The following NR2C2 variants were observed in gnomAD, a reference collection of about 807,000 sequenced individuals.
NR2C2 encodes the protein nuclear receptor subfamily 2 group C member 2.
A neutral mutation model predicts 62.9 loss-of-function variants in NR2C2; 6 were observed. That is an observed-to-expected ratio of 0.10 (90% CI 0.05 to 0.19). The LOEUF is 0.19. Ranked by LOEUF, NR2C2 falls within the 10% of genes least tolerant of loss-of-function variation. The pLI is 1.00. For synonymous variants in NR2C2, 272 were observed against 273.8 expected (o/e 0.99, Z 0.07); for missense variants, 479 against 762.7 (o/e 0.63, Z 4.38).
intron 1 of NR2C2, among the ~76,000 whole-genome samples, chr3:14,981,430 C>T (rs973564875): frequency 7.9e-5 from 12 of 151,906 alleles, no homozygotes; most frequent in Non-Finnish European, 1.8e-4. Context: ...GGTGAAATCC[C>T]ATCTCTGCTA....
At chr3:15,042,683 G>A in intron 13 of NR2C2, 151 bp from the exon 14 acceptor site, 1 of 633,898 alleles carries the variant, frequency 1.6e-6, no homozygotes, top group Non-Finnish European at 2.7e-6. Context: ...TCTATAAGAG[G>A]AACTGTTGAA....
At chr3:15,000,467 G>A (rs1405413274) in intron 1 of NR2C2, among the ~76,000 whole-genome samples, 3 of 152,188 alleles carry the variant, frequency 2.0e-5, no homozygotes, top group African/African-American at 7.2e-5. Flanking sequence ...AAACAGTGCT[G>A]CAGAGAACAT....
chr3:14,950,345 C>G (rs2039315941), intron 1 of NR2C2, among the ~76,000 whole-genome samples: 1 of 152,238 alleles, frequency 6.6e-6, no homozygotes, highest in Admixed American at 6.5e-5. Context: ...AACTCTCTTA[C>G]AGGCAGTATG....
intron 1 of NR2C2, among the ~76,000 whole-genome samples, chr3:14,976,602 C>CTT (rs533538010): frequency 2.5e-4 from 23 of 90,722 alleles, no homozygotes; most frequent in South Asian, 3.7e-4. Context: ...TCCTTCCTTC[C>CTT]TTTTTTTTTT....
chr3:15,002,077 T>C (rs2041019517), intron 1 of NR2C2, among the ~76,000 whole-genome samples: 1 of 152,226 alleles, frequency 6.6e-6, no homozygotes, highest in African/African-American at 2.4e-5. Flanking sequence ...TTTTATTCTT[T>C]TTCTTTCCTA....
intron 1 of NR2C2, among the ~76,000 whole-genome samples, chr3:15,001,978 G>A (rs1163404189): frequency 6.6e-6 from 1 of 152,064 alleles, no homozygotes. Context: ...GCTCTGATGG[G>A]TTTTTTGTGG....
At chr3:15,009,074 T>C (rs573946295) in intron 2 of NR2C2, among the ~76,000 whole-genome samples, 1 of 146,952 alleles carries the variant, frequency 6.8e-6, no homozygotes, top group South Asian at 2.2e-4. Context: ...TACAAAAAAT[T>C]AGCGGGGCAT....
At chr3:14,956,381 CAA>C in intron 1 of NR2C2, among the ~76,000 whole-genome samples, 1 of 152,270 alleles carries the variant, frequency 6.6e-6, no homozygotes, top group Admixed American at 6.5e-5. Context: ...TTGTACCTAT[CAA>C]GAGTTCTATG....
In NR2C2 at chr3:15,048,585, A is replaced by G. The variant is rs1190041975; in HGVS notation, c.*5577A>G. 1 of 152,678 alleles carries G rather than the reference A, an allele frequency of 6.5e-6. No individual in the cohort carries two copies. Among genetic ancestry groups the G allele is most frequent in the Non-Finnish European group, 1.5e-5 (1 of 68,046 alleles). The allele number at this position is 152,678 out of a possible 1,614,324, so 9.5% of individuals were successfully genotyped here. On this transcript the variant is annotated 3_prime_UTR_variant, in exon 14 of 14. Coordinates refer to ENST00000425241, the MANE Select transcript of NR2C2 (RefSeq NM_001291694.2). ...AATGTTTGGAATAACATTTGGAAGTAGTAGACTTTGCATTAAAAAATGGCT... is the reference window on the plus strand; with the variant it reads ...AATGTTTGGAATAACATTTGGAAGTGGTAGACTTTGCATTAAAAAATGGCT...
At chr3:14,980,137 C>T (rs950068141) in intron 1 of NR2C2, among the ~76,000 whole-genome samples, 9 of 151,902 alleles carry the variant, frequency 5.9e-5, no homozygotes, top group African/African-American at 2.2e-4. Context: ...AAGATTCCTA[C>T]TCTTTTCCGG....
chr3:14,964,192 C>T (rs955235033), intron 1 of NR2C2, among the ~76,000 whole-genome samples: 3 of 152,058 alleles, frequency 2.0e-5, no homozygotes, highest in African/African-American at 7.2e-5. Context: ...AATAAAAAAT[C>T]AAATTTCTAA....
At chr3:14,950,296 T>G (rs2039313247) in intron 1 of NR2C2, among the ~76,000 whole-genome samples, 1 of 152,186 alleles carries the variant, frequency 6.6e-6, no homozygotes, top group Non-Finnish European at 1.5e-5. Context: ...TGGAACTAAA[T>G]AGTACTAACC....
chr3:14,987,974 C>A (rs191123680), intron 1 of NR2C2, among the ~76,000 whole-genome samples: 1 of 152,294 alleles, frequency 6.6e-6, no homozygotes, highest in African/African-American at 2.4e-5. Context: ...GGAAACATAG[C>A]ATAATTTACT....
At chr3:15,018,487 C>T (rs986702971) in intron 4 of NR2C2, among the ~76,000 whole-genome samples, 3 of 152,114 alleles carry the variant, frequency 2.0e-5, no homozygotes, top group Non-Finnish European at 2.9e-5. Flanking sequence ...ATTCAAATGG[C>T]CGAGTTATAT....
chr3:15,015,785 T>C (rs887418201), intron 3 of NR2C2, among the ~76,000 whole-genome samples: 1 of 152,204 alleles, frequency 6.6e-6, no homozygotes, highest in Non-Finnish European at 1.5e-5. Context: ...AACATTACTT[T>C]GCTTAGTGAT....
At chr3:14,959,964 A>G (rs1280639587) in intron 1 of NR2C2, among the ~76,000 whole-genome samples, 1 of 152,218 alleles carries the variant, frequency 6.6e-6, no homozygotes, top group East Asian at 1.9e-4. Flanking sequence ...TTCCAGAACT[A>G]TTTCTTGAAT....
chr3:15,039,940 C>T (rs6442496), intron 13 of NR2C2, among the ~76,000 whole-genome samples: 1 of 151,050 alleles, frequency 6.6e-6, no homozygotes, highest in African/African-American at 2.4e-5. Context: ...CAGGAGGTCA[C>T]GAGTTCAAGA....
intron 1 of NR2C2, among the ~76,000 whole-genome samples, chr3:14,995,515 C>T (rs754262876): frequency 1.6e-4 from 24 of 152,090 alleles, no homozygotes; most frequent in Non-Finnish European, 3.1e-4. Flanking sequence ...ACCAGTACTT[C>T]GTTTCATTAT....
intron 1 of NR2C2, among the ~76,000 whole-genome samples, chr3:15,000,643 T>TTGGATACTC (rs1416200996): frequency 6.6e-6 from 1 of 152,178 alleles, no homozygotes; most frequent in African/African-American, 2.4e-5. Context: ...CAAGATTGTT[T>TTGGATACTC]TGGATACTCT....
Sources: gnomAD v4.1 joint callset for allele counts (sites outside exome capture counted in the v4.1 genomes callset) on GRCh38, gnomAD v4.1.1 for gene constraint, MANE v1.5 for transcripts, NCBI Gene and HGNC (gene_info 2026-07-23, HGNC 2026-07-21) for gene names.